The following DPYD variants were observed in gnomAD, a reference collection of about 807,000 sequenced individuals.
DPYD encodes the protein dihydropyrimidine dehydrogenase.
A neutral mutation model predicts 116.2 loss-of-function variants in DPYD; 109 were observed. The observed-to-expected ratio is 0.94, with a 90% CI of 0.80 to 1.10. DPYD has a LOEUF of 1.10. DPYD is among the 50% of genes least tolerant of loss of function. The pLI is 0.00. For missense variants in DPYD, 1,302 were observed against 1,254.5 expected (o/e 1.04, Z -0.57); for synonymous variants, 440 against 432.0 (o/e 1.02, Z -0.23).
intron 16 of DPYD, among the ~76,000 whole-genome samples, chr1:97,312,501 A>G (rs1667579698): frequency 6.6e-6 from 1 of 151,870 alleles, no homozygotes; most frequent in Admixed American, 6.6e-5. Context: ...TAGTGGAAAA[A>G]AAGAATAAAT....
chr1:97,156,854 C>A (rs1394858089), intron 20 of DPYD, among the ~76,000 whole-genome samples: 1 of 150,560 alleles, frequency 6.6e-6, no homozygotes, highest in African/African-American at 2.4e-5. Context: ...ATAGCAAAGA[C>A]TTGGAACCAA....
chr1:97,722,141 T>C (rs1662959985), intron 4 of DPYD, among the ~76,000 whole-genome samples: 1 of 151,668 alleles, frequency 6.6e-6, no homozygotes, highest in Non-Finnish European at 1.5e-5. Context: ...TTTTGGAACA[T>C]ATTATTTTCT....
In DPYD at chr1:97,430,359, G is replaced by A. The variant is rs141547051; in HGVS notation, c.1905+19700C>T. ...TTTGCTCATTGGTTTCTCAGATTCC[G>A]CCTAACAAGGCCTACGGGACATGGA... On this transcript the variant is annotated intron_variant, in intron 14 of 22. Transcript: ENST00000370192. 5.0e-3 allele frequency among the ~76,000 whole-genome samples: 757 copies of A among 152,170 alleles called. 14 individuals are homozygous for A. Among genetic ancestry groups the A allele is most frequent in the Admixed American group, 0.029 (443 of 15,268 alleles).
At chr1:97,539,613 G>T (rs1270734915) in intron 12 of DPYD, among the ~76,000 whole-genome samples, 1 of 152,046 alleles carries the variant, frequency 6.6e-6, no homozygotes, top group African/African-American at 2.4e-5. Context: ...ATAGAGAATT[G>T]AAAACAATTC....
At chr1:97,113,134 T>G (rs1250732052) in intron 20 of DPYD, among the ~76,000 whole-genome samples, 1 of 152,174 alleles carries the variant, frequency 6.6e-6, no homozygotes, top group African/African-American at 2.4e-5. Context: ...TGTGTGTGCC[T>G]ACTGTGCATA....
intron 16 of DPYD, among the ~76,000 whole-genome samples, chr1:97,361,798 A>G (rs561761311): frequency 3.9e-5 from 6 of 152,328 alleles, no homozygotes; most frequent in Non-Finnish European, 8.8e-5. Flanking sequence ...TTGATGGAAC[A>G]TATCTCAAAA....
At chr1:97,608,145 A>T (rs1005619608) in intron 8 of DPYD, among the ~76,000 whole-genome samples, 2 of 151,936 alleles carry the variant, frequency 1.3e-5, no homozygotes, top group Non-Finnish European at 2.9e-5. Context: ...CATCACATGA[A>T]ATCCCAGGAA....
At chr1:97,889,029 T>C (rs904458284) in intron 1 of DPYD, among the ~76,000 whole-genome samples, 2 of 151,904 alleles carry the variant, frequency 1.3e-5, no homozygotes, top group Admixed American at 1.3e-4. Context: ...TGGTCGTGGG[T>C]GCCTGTAATC....
Position 97,669,766 on chromosome 1 carries a change from A to G in DPYD, c.850+9329T>C, listed in dbSNP as rs553062599. Among the ~76,000 whole-genome samples the G allele has an allele frequency of 4.6e-5, 7 of 152,306 alleles. No individual in the cohort carries two copies. The East Asian group carries it at 9.6e-4, about 21-fold the overall frequency. The stretch of plus-strand genomic sequence containing the variant: ...CATAAATTATCCCCCAAAATTTCAC[A>G]TTTCTGTACTTTGGTAAGATTGTTC... On this transcript the variant is annotated intron_variant, in intron 8 of 22. Coordinates refer to ENST00000370192, the MANE Select transcript of DPYD (RefSeq NM_000110.4).
intron 16 of DPYD, among the ~76,000 whole-genome samples, chr1:97,315,057 T>C (rs1316593496): frequency 6.6e-6 from 1 of 151,024 alleles, no homozygotes; most frequent in Non-Finnish European, 1.5e-5. Context: ...TGTTGAGGAG[T>C]CGCATAACTT....
At position 97,390,521 on chromosome 1, in the gene DPYD, A is replaced by G. The variant is rs546291731; in HGVS notation, c.1906-8060T>C. On this transcript the variant is annotated intron_variant, in intron 14 of 22. Coordinates refer to ENST00000370192, the MANE Select transcript of DPYD (RefSeq NM_000110.4). Reference sequence around the variant, plus strand: ...TTGGTGCAATATTCCTGAAATATATACATTGACTATAAGACATTTAAGGTG... The same window carrying G: ...TTGGTGCAATATTCCTGAAATATATGCATTGACTATAAGACATTTAAGGTG... Among the ~76,000 whole-genome samples the G allele has an allele frequency of 1.2e-4, 18 of 152,204 alleles. 1 individual carries two copies. In the South Asian group the frequency reaches 2.5e-3, roughly 21 times the overall value.
At chr1:97,721,836 T>A (rs1034011341) in intron 4 of DPYD, among the ~76,000 whole-genome samples, 165 bp from the exon 5 acceptor site, 1 of 151,742 alleles carries the variant, frequency 6.6e-6, no homozygotes, top group Non-Finnish European at 1.5e-5. Context: ...AATTAAAACT[T>A]AGCAGAGTAT....
chr1:97,850,498 C>T (rs1290573070), intron 2 of DPYD, among the ~76,000 whole-genome samples: 1 of 152,056 alleles, frequency 6.6e-6, no homozygotes, highest in Non-Finnish European at 1.5e-5. Flanking sequence ...TCCTTTGATT[C>T]AACAGTCCTT....
intron 20 of DPYD, among the ~76,000 whole-genome samples, chr1:97,155,628 T>A (rs964246343): frequency 6.6e-6 from 1 of 152,198 alleles, no homozygotes; most frequent in African/African-American, 2.4e-5. Flanking sequence ...TTAAATGCCT[T>A]ATTTGATATT....
At chr1:97,487,812 A>ACATT (rs1161596566) in intron 13 of DPYD, among the ~76,000 whole-genome samples, 1 of 152,254 alleles carries the variant, frequency 6.6e-6, no homozygotes, top group Non-Finnish European at 1.5e-5. Context: ...GATCACTTAT[A>ACATT]CATTGCTTGT....
rs59568061 is a variant in DPYD, at chr1:97,261,516, TAA to T, written c.2300-26524_2300-26523del. Among the ~76,000 whole-genome samples, 142 of 46,798 alleles carry T rather than the reference TAA, an allele frequency of 3.0e-3. 3 individuals carry two copies. The highest frequency in any genetic ancestry group is 0.023 in the East Asian group (53 of 2,258). The allele number at this position is 46,798 out of a possible 152,430, so 30.7% of individuals were successfully genotyped here. A position where few individuals can be genotyped will look rare whatever the true frequency, so the allele number is the denominator to read the frequency against. On this transcript the variant is annotated intron_variant, in intron 18 of 22. Transcript: ENST00000370192. ...ATCTTTTTTTTTTTTTTTTTTTTTTTAAAAAAGAACGATTTGTGTCTCTCTCC... is the reference window on the plus strand; with the variant it reads ...ATCTTTTTTTTTTTTTTTTTTTTTTTAAAAGAACGATTTGTGTCTCTCTCC...
At chr1:97,381,899 G>C (rs934692253) in intron 15 of DPYD, among the ~76,000 whole-genome samples, 23 of 152,276 alleles carry the variant, frequency 1.5e-4, no homozygotes, top group African/African-American at 5.5e-4. Context: ...TTCCATTCAG[G>C]AGCATTCTGT....
chr1:97,720,838 C>T (rs1212153712), intron 5 of DPYD: 5 of 1,599,846 alleles, frequency 3.1e-6, no homozygotes, highest in African/African-American at 1.4e-5. Flanking sequence ...CTTGTTGACT[C>T]CAAATAGGAG....
chr1:97,326,136 T>C (rs1388094207), intron 16 of DPYD, among the ~76,000 whole-genome samples: 1 of 151,850 alleles, frequency 6.6e-6, no homozygotes, highest in Admixed American at 6.6e-5. Context: ...ATTTTAAAGA[T>C]GAATGTTAAA....
Sources: gnomAD v4.1 joint callset for allele counts (sites outside exome capture counted in the v4.1 genomes callset) on GRCh38, gnomAD v4.1.1 for gene constraint, MANE v1.5 for transcripts, NCBI Gene and HGNC (gene_info 2026-07-23, HGNC 2026-07-21) for gene names.